The following COMMD10 variants were observed in gnomAD, a reference collection of about 807,000 sequenced individuals.
The protein encoded by COMMD10 is COMM domain-containing protein 10.
Under a neutral mutation model 28.9 loss-of-function variants are expected in COMMD10, and 33 were observed. That is an observed-to-expected ratio of 1.14 (90% CI 0.87 to 1.53). The LOEUF is 1.53. COMMD10 is among the 40% of genes most tolerant of loss of function. The pLI is 0.00. For synonymous variants in COMMD10, 110 were observed against 81.7 expected (o/e 1.35, Z -1.87); for missense variants, 310 against 233.4 (o/e 1.33, Z -2.14).
At chr5:116,196,265 G>T (rs142604658) in intron 5 of COMMD10, among the ~76,000 whole-genome samples, 1,562 of 152,216 alleles carry the variant, frequency 0.01, 13 homozygotes, top group Non-Finnish European at 0.016. Flanking sequence ...CGACCATTGT[G>T]CGTTCTCACT....
At chr5:116,214,975 G>A (rs1263084934) in intron 5 of COMMD10, among the ~76,000 whole-genome samples, 1 of 151,932 alleles carries the variant, frequency 6.6e-6, no homozygotes, top group Non-Finnish European at 1.5e-5. Context: ...TTGAGATATT[G>A]GAGGTCTTTT....
chr5:116,177,505 C>A (rs1753554367), intron 5 of COMMD10, among the ~76,000 whole-genome samples: 1 of 145,632 alleles, frequency 6.9e-6, no homozygotes. Flanking sequence ...TGATACTTTC[C>A]TGCTTAAAAT....
At chr5:116,237,225 A>C (rs1161532272) in intron 5 of COMMD10, among the ~76,000 whole-genome samples, 1 of 152,098 alleles carries the variant, frequency 6.6e-6, no homozygotes, top group Non-Finnish European at 1.5e-5. Context: ...TGAGGGAGAG[A>C]GAATGGTGGG....
intron 5 of COMMD10, among the ~76,000 whole-genome samples, chr5:116,262,784 G>T (rs897935777): frequency 9.9e-5 from 15 of 151,710 alleles, no homozygotes; most frequent in Non-Finnish European, 2.2e-4. Flanking sequence ...TGAGGTACCA[G>T]TTAGGTCCAT....
At chr5:116,242,682 A>C (rs182553968) in intron 5 of COMMD10, among the ~76,000 whole-genome samples, 2 of 152,152 alleles carry the variant, frequency 1.3e-5, no homozygotes, top group Admixed American at 1.3e-4. Context: ...CAGCCCTCCT[A>C]CTTCTGCTTC....
At chr5:116,102,484 G>C (rs994599916) in intron 4 of COMMD10, among the ~76,000 whole-genome samples, 1 of 152,072 alleles carries the variant, frequency 6.6e-6, no homozygotes, top group African/African-American at 2.4e-5. Context: ...TGAAGTCAGA[G>C]AGTGTAAGGC....
intron 5 of COMMD10, among the ~76,000 whole-genome samples, chr5:116,225,629 A>G (rs1486358176): frequency 6.6e-6 from 1 of 151,974 alleles, no homozygotes; most frequent in Non-Finnish European, 1.5e-5. Context: ...GCAGATGCTC[A>G]TCTTCTTTGT....
intron 4 of COMMD10, among the ~76,000 whole-genome samples, chr5:116,130,851 C>G (rs1324906789): frequency 3.3e-5 from 5 of 151,824 alleles, no homozygotes; most frequent in Non-Finnish European, 7.4e-5. Flanking sequence ...TAATAATTTT[C>G]TAAAATGAAC....
rs1193300345 is a variant in COMMD10, at chr5:116,292,436, T to G, written c.571-15T>G. 2.1e-6 allele frequency: 3 copies of G among 1,453,916 alleles called. No individual in the cohort carries two copies. Among genetic ancestry groups the G allele is most frequent in the African/African-American group, 3.1e-5 (2 of 65,130 alleles). 90.1% of individuals were successfully genotyped at this position (1,453,916 alleles called of 1,614,324 possible). On this transcript the variant is annotated splice_polypyrimidine_tract_variant and intron_variant, in intron 6 of 6. Transcript: ENST00000274458. The stretch of plus-strand genomic sequence containing the variant: ...CTTCACTAACGTCTTTTTTTTTTTT[T>G]GTCTTTGTAAATAGCTAGAGACTAT...
At chr5:116,239,327 A>T (rs1208061485) in intron 5 of COMMD10, among the ~76,000 whole-genome samples, 1 of 152,228 alleles carries the variant, frequency 6.6e-6, no homozygotes, top group Non-Finnish European at 1.5e-5. Flanking sequence ...AAGAAGCCTC[A>T]TCATAGACTT....
intron 5 of COMMD10, among the ~76,000 whole-genome samples, chr5:116,162,658 G>C (rs1281252217): frequency 6.6e-6 from 1 of 152,088 alleles, no homozygotes; most frequent in Non-Finnish European, 1.5e-5. Context: ...TTAAATTGTA[G>C]AAAACACTAT....
At chr5:116,247,217 A>G (rs372166760) in intron 5 of COMMD10, among the ~76,000 whole-genome samples, 1 of 152,170 alleles carries the variant, frequency 6.6e-6, no homozygotes, top group African/African-American at 2.4e-5. Context: ...GTCATATGAA[A>G]AAAAGCTCAA....
At position 116,181,590 on chromosome 5, in the gene COMMD10, T is replaced by C. The variant is rs139685335; in HGVS notation, c.510+47412T>C. Among the ~76,000 whole-genome samples, 249 of 151,864 alleles carry C rather than the reference T, an allele frequency of 1.6e-3. 3 individuals are homozygous for C. Among genetic ancestry groups the C allele is most frequent in the African/African-American group, 5.8e-3 (239 of 41,404 alleles). ...GAAGGAAATAATAATAGGAAGTCTGTTTTGTCGAATTCTAGAAATATTTTT... is the reference window on the plus strand; with the variant it reads ...GAAGGAAATAATAATAGGAAGTCTGCTTTGTCGAATTCTAGAAATATTTTT... On this transcript the variant is annotated intron_variant, in intron 5 of 6. Transcript: ENST00000274458.
intron 5 of COMMD10, among the ~76,000 whole-genome samples, chr5:116,276,113 A>G (rs1416595278): frequency 2.0e-5 from 3 of 151,448 alleles, no homozygotes; most frequent in Admixed American, 1.3e-4. Context: ...GGGAGAGGAA[A>G]TCAGGCGAGG....
chr5:116,154,971 GCTATTT>G (rs1236553987), intron 5 of COMMD10, among the ~76,000 whole-genome samples: 1 of 152,024 alleles, frequency 6.6e-6, no homozygotes, highest in African/African-American at 2.4e-5. Flanking sequence ...TGATAGCTAT[GCTATTT>G]TTCTTTAGCA....
intron 5 of COMMD10, among the ~76,000 whole-genome samples, chr5:116,158,000 G>A (rs140512028): frequency 6.7e-6 from 1 of 149,818 alleles, no homozygotes; most frequent in African/African-American, 2.5e-5. Context: ...AAGGGGAGGT[G>A]TGCCTCCAAA....
intron 4 of COMMD10, among the ~76,000 whole-genome samples, chr5:116,113,615 A>T (rs562716403): frequency 2.8e-4 from 42 of 151,902 alleles, no homozygotes; most frequent in African/African-American, 9.9e-4. Context: ...TATCTCCTTC[A>T]GTGAATTTTT....
chr5:116,091,730 C>T (rs1750303284), intron 3 of COMMD10, among the ~76,000 whole-genome samples: 1 of 152,154 alleles, frequency 6.6e-6, no homozygotes, highest in Admixed American at 6.5e-5. Context: ...GTTAGTTATA[C>T]CTCCTTCACC....
At chr5:116,101,393 C>T (rs556553534) in intron 4 of COMMD10, among the ~76,000 whole-genome samples, 5 of 151,822 alleles carry the variant, frequency 3.3e-5, no homozygotes, top group African/African-American at 1.2e-4. Flanking sequence ...TTGTTAACAT[C>T]TATTATTTTT....
Sources: allele counts gnomAD v4.1 joint callset (sites outside exome capture counted in the v4.1 genomes callset), GRCh38; gene constraint gnomAD v4.1.1; transcripts MANE v1.5; gene names NCBI Gene and HGNC (gene_info 2026-07-23, HGNC 2026-07-21).